Variants in GPR179 observed in about 807,000 individuals in gnomAD.
GPR179 encodes the protein G protein-coupled receptor 179.
In GPR179, 52 loss-of-function variants were observed where a neutral mutation model predicts 70.8. The ratio of observed to expected loss-of-function variants is 0.73; its 90% CI spans 0.59 to 0.93. The LOEUF is 0.93. GPR179 is among the 40% of genes least tolerant of loss of function. The pLI is 0.00. For missense variants in GPR179, 2,734 were observed against 2,966.8 expected, an observed-to-expected ratio of 0.92 and a Z score of 1.82; for synonymous variants, 1,123 against 1,169.0, an observed-to-expected ratio of 0.96 and a Z score of 0.80.
chr17:38,337,217 TA>T lies in GPR179; in HGVS notation c.992-5del, dbSNP rs1462326940. The T allele has an allele frequency of 1.2e-6, 2 of 1,606,390 alleles. No homozygotes were observed. ...TGGAAGTCACTCTCCTCTAACCCTA[TA>T]AAGAACAAGATGAGTGCAGGGAGAG... On this transcript the variant is annotated splice_region_variant and splice_polypyrimidine_tract_variant and intron_variant, in intron 3 of 10. Transcript: ENST00000616987.
intron 2 of GPR179, among the ~76,000 whole-genome samples, chr17:38,338,700 CA>C (rs1418419561): frequency 6.6e-6 from 1 of 152,270 alleles, no homozygotes; most frequent in African/African-American, 2.4e-5. Flanking sequence ...CCAGCCCCAG[CA>C]GGCCACAGGG....
chr17:38,331,072 G>A lies in GPR179; in HGVS notation c.2497C>T (p.Arg833Trp), dbSNP rs760777881. 3.8e-6 allele frequency: 6 copies of A among 1,600,000 alleles called. No homozygotes were observed. The highest frequency in any genetic ancestry group is 1.1e-5 in the South Asian group (1 of 90,518). Reference protein sequence around the residue: ...LTVGERLPRARPASLQKSLSV... With the variant: ...LTVGERLPRAWPASLQKSLSV... Reference sequence around the variant, plus strand: ...AGCGACTTCTGCAGAGAGGCGGGCCGGGCTCTGGGTAGCCTCTCTCCCACC... The same window carrying A: ...AGCGACTTCTGCAGAGAGGCGGGCCAGGCTCTGGGTAGCCTCTCTCCCACC... Residue 833 changes from arginine (R) to tryptophan (W), a missense_variant, in exon 11 of 11, where the codon CGG becomes TGG. Coordinates refer to ENST00000616987, the MANE Select transcript of GPR179 (RefSeq NM_001004334.4).
Position 38,330,103 on chromosome 17 carries a change from G to C in GPR179, c.3466C>G (p.Gln1156Glu), listed in dbSNP as rs1184314233. 6.2e-6 allele frequency: 10 copies of C among 1,611,508 alleles called. No individual in the cohort carries two copies. Among genetic ancestry groups the C allele is most frequent in the Non-Finnish European group, 8.5e-6 (10 of 1,178,518 alleles). The change falls in exon 11 of 11, where the codon CAA becomes GAA. Residue 1156 changes from glutamine (Q) to glutamate (E), a missense_variant. Transcript: ENST00000616987. ...ATCCTGCTGGTGTGAGCGTTCTGTTGGTTCTGGAGGGACTCCTTGTCATCG... is the reference window on the plus strand; with the variant it reads ...ATCCTGCTGGTGTGAGCGTTCTGTTCGTTCTGGAGGGACTCCTTGTCATCG... ...PSDDKESLQNQQNAHTSRMLQ... is the reference protein window; with the variant it reads ...PSDDKESLQNEQNAHTSRMLQ...
chr17:38,328,964 A>G lies in GPR179; in HGVS notation c.4605T>C (p.Val1535=). 6.2e-7 allele frequency: 1 copy of G among 1,614,126 alleles called. No homozygotes were observed. The highest frequency in any genetic ancestry group is 1.1e-5 in the South Asian group (1 of 91,072). The stretch of plus-strand genomic sequence containing the variant: ...CAGGGACCGTGCTCTCCCTGGGACA[A>G]ACTGACTCCTGCTGTTGACTTAATT... The part of the protein sequence containing the change: ...VQKLSQQQES[V]CPRESTVPGH... The change falls in exon 11 of 11, where the codon GTT becomes GTC. Residue 1535 remains valine (V), a synonymous_variant. Coordinates refer to ENST00000616987, the MANE Select transcript of GPR179 (RefSeq NM_001004334.4).
chr17:38,337,160 T>G lies in GPR179; in HGVS notation c.1045A>C (p.Arg349=), dbSNP rs2037412585. ...AGACACTGCAGCAGTCTCCCAGATC[T>G]GCCTTCTGGGAACCCGAATTGCCCG... is the stretch of plus-strand genomic sequence containing the variant. ...TTGQFGFPEG[R]SGRLLQCLPC... The change falls in exon 4 of 11, where the codon AGA becomes CGA. Residue 349 remains arginine, a synonymous_variant. Coordinates refer to ENST00000616987, the MANE Select transcript of GPR179 (RefSeq NM_001004334.4). 1.9e-6 allele frequency: 3 copies of G among 1,613,000 alleles called. No homozygotes were observed. In the East Asian group the frequency reaches 6.7e-5, roughly 36 times the overall value.
Position 38,329,929 on chromosome 17 carries a change from G to T in GPR179, c.3640C>A (p.Gln1214Lys). The change falls in exon 11 of 11, where the codon CAA (glutamine) becomes AAA (lysine). Residue 1214 changes from glutamine (Q) to lysine (K), a missense_variant. Coordinates refer to ENST00000616987, the MANE Select transcript of GPR179 (RefSeq NM_001004334.4). ...RQVSRDKNIK[Q>K]SKETPVGWQE... ...CACCCGACAGGGGTTTCTTTTGATTGCTTGATGTTTTTGTCCCTGGAAACT... is the reference window on the plus strand; with the variant it reads ...CACCCGACAGGGGTTTCTTTTGATTTCTTGATGTTTTTGTCCCTGGAAACT... The T allele has an allele frequency of 1.9e-6, 3 of 1,614,198 alleles. No individual in the cohort carries two copies. The highest frequency in any genetic ancestry group is 2.2e-5 in the East Asian group (1 of 44,878).
At chr17:38,341,220 C>A (rs2037446585) in intron 1 of GPR179, among the ~76,000 whole-genome samples, 1 of 152,204 alleles carries the variant, frequency 6.6e-6, no homozygotes, top group South Asian at 2.1e-4. Flanking sequence ...GTTCTCTCCA[C>A]CCCTCAGCTT....
Position 38,335,061 on chromosome 17 carries a change from G to A in GPR179, c.1617C>T (p.His539=), listed in dbSNP as rs201822664. ...PSGRHFYLCH[H]DRWDYIMVVA... is the part of the protein sequence containing the mutation. ...CAACCATGATGTAGTCCCAGCGGTC[G>A]TGGTGACAGAGGTAGAAATGGCGGC... Residue 539 remains histidine, a synonymous_variant, in exon 7 of 11, where the codon CAC becomes CAT. Coordinates refer to ENST00000616987, the MANE Select transcript of GPR179 (RefSeq NM_001004334.4). The A allele has an allele frequency of 3.8e-5, 62 of 1,613,642 alleles. No individual in the cohort carries two copies. Among genetic ancestry groups the A allele is most frequent in the East Asian group, 2.7e-4 (12 of 44,870 alleles).
At chr17:38,342,192 C>A (rs1047480297) in intron 1 of GPR179, among the ~76,000 whole-genome samples, 2 of 151,580 alleles carry the variant, frequency 1.3e-5, no homozygotes, top group Admixed American at 1.3e-4. Flanking sequence ...GTAGGTTGAA[C>A]GCCTGGAGTG....
rs1282003632 is a variant in GPR179 at position 38,334,960 on chromosome 17, C to T, written c.1645+73G>A. 2.5e-6 allele frequency: 4 copies of T among 1,586,080 alleles called. No homozygotes were observed. Among genetic ancestry groups the T allele is most frequent in the Non-Finnish European group, 3.4e-6 (4 of 1,159,594 alleles). On this transcript the variant is annotated intron_variant, in intron 7 of 10. Coordinates refer to ENST00000616987, the MANE Select transcript of GPR179 (RefSeq NM_001004334.4). This position sits in a 1 kb window ranked among gnomAD's most constrained non-coding sequence, Gnocchi z 4.7. ...GGGGTCTGGGGACAAGTCAGGAGAA[C>T]CAGAACAAGAGGAACCCTGGAGGCA...
chr17:38,343,454 C>A lies in GPR179; in HGVS notation c.336G>T (p.Leu112=), dbSNP rs766958765. The A allele has an allele frequency of 4.3e-6, 7 of 1,613,980 alleles. No homozygotes were observed. In the South Asian group the frequency reaches 6.6e-5, roughly 15 times the overall value. ...LAQAANFLNM[L]LQANDIRESS... ...ACTCACGGATGTCGTTGGCTTGCAGCAGCATGTTGAGAAAATTGGCGGCCT... is the reference window on the plus strand; with the variant it reads ...ACTCACGGATGTCGTTGGCTTGCAGAAGCATGTTGAGAAAATTGGCGGCCT... The change falls in exon 1 of 11, where the codon CTG becomes CTT. Residue 112 remains leucine, a synonymous_variant. Coordinates refer to ENST00000616987, the MANE Select transcript of GPR179 (RefSeq NM_001004334.4). This position sits in a 1 kb window ranked among gnomAD's most constrained non-coding sequence, Gnocchi z 4.2.
Position 38,327,561 on chromosome 17 carries a change from G to A in GPR179, c.6008C>T (p.Pro2003Leu). 18 of 1,614,144 alleles carry A rather than the reference G, an allele frequency of 1.1e-5. No homozygotes were observed. The highest frequency in any genetic ancestry group is 1.4e-5 in the Non-Finnish European group (17 of 1,180,034). The stretch of plus-strand genomic sequence containing the variant: ...GTCAGATTTATACACACCTGCATCA[G>A]GAACATCCCATGGGCACACGTCAGC... ...RAADVCPWDV[P>L]DAGVYKSDSS... Residue 2003 changes from proline (P) to leucine (L), a missense_variant, in exon 11 of 11, where the codon CCT becomes CTT. Coordinates refer to ENST00000616987, the MANE Select transcript of GPR179 (RefSeq NM_001004334.4).
At chr17:38,333,504 C>G in intron 9 of GPR179, 107 bp from the exon 10 acceptor site, 1 of 1,138,094 alleles carries the variant, frequency 8.8e-7, no homozygotes, top group Non-Finnish European at 1.2e-6. Flanking sequence ...CGCTTCACCC[C>G]CTTCTCTGAC....
intron 4 of GPR179, among the ~76,000 whole-genome samples, chr17:38,336,565 A>C (rs4794779): frequency 0.8 from 121,906 of 152,138 alleles, 51,365 homozygotes; most frequent in Non-Finnish European, 0.92. Context: ...ACATCCAGAA[A>C]GTCTTTCCCA....
intron 2 of GPR179, 76 bp from the exon 3 acceptor site, chr17:38,337,796 AG>A (rs1172697336): frequency 5.5e-6 from 7 of 1,282,044 alleles, no homozygotes; most frequent in Non-Finnish European, 6.7e-6. Context: ...GGAGAGATGG[AG>A]GGTCCATCTA....
Position 38,329,014 on chromosome 17 carries a change from C to T in GPR179, c.4555G>A (p.Glu1519Lys), listed in dbSNP as rs201569873. Residue 1519 changes from glutamate to lysine, a missense_variant, in exon 11 of 11, where the codon GAA (glutamate) becomes AAA (lysine). Transcript: ENST00000616987. Reference protein sequence around the residue: ...SRKGSFGEMGEQTVKAVQKLS... With the variant: ...SRKGSFGEMGKQTVKAVQKLS... ...TTCTGCACTGCTTTCACAGTTTGTTCCCCCATCTCTCCAAAGCTTCCTTTT... is the reference window on the plus strand; with the variant it reads ...TTCTGCACTGCTTTCACAGTTTGTTTCCCCATCTCTCCAAAGCTTCCTTTT... 5.0e-6 allele frequency: 8 copies of T among 1,614,122 alleles called. No homozygotes were observed. In the South Asian group the frequency reaches 8.8e-5, roughly 18 times the overall value.
rs1390785604 is a variant in GPR179, at chr17:38,336,151, A to G, written c.1228-7T>C. The G allele has an allele frequency of 1.9e-6, 3 of 1,603,420 alleles. No homozygotes were observed. The highest frequency in any genetic ancestry group is 2.7e-5 in the African/African-American group (2 of 74,698). On this transcript the variant is annotated splice_polypyrimidine_tract_variant and splice_region_variant and intron_variant, in intron 4 of 10. Coordinates refer to ENST00000616987, the MANE Select transcript of GPR179 (RefSeq NM_001004334.4). ...CTCCAGATGCCCAGATCCTCTGTGA[A>G]GCAAGGAGAGAGGCATGTGAGCAGA...
chr17:38,337,648 CCCCGTAG>C lies in GPR179; in HGVS notation c.969_975del (p.Phe323LeufsTer8). The C allele has an allele frequency of 6.2e-7, 1 of 1,607,994 alleles. No individual in the cohort carries two copies. Among genetic ancestry groups the C allele is most frequent in the South Asian group, 1.1e-5 (1 of 90,002 alleles). ...ACTTACATACCCCCAGAGGGGCTTG[CCCCGTAG>C]AATCCAGGTCGGCAGCGGCAGAGGT... On this transcript the variant is annotated frameshift_variant, in exon 3 of 11. Transcript: ENST00000616987. LOFTEE classifies it high-confidence loss of function.
chr17:38,331,410 A>G lies in GPR179; in HGVS notation c.2159T>C (p.Met720Thr). 1.2e-6 allele frequency: 2 copies of G among 1,614,100 alleles called. No homozygotes were observed. Among genetic ancestry groups the G allele is most frequent in the South Asian group, 2.2e-5 (2 of 91,080 alleles). ...SSCQGLGRSF[M>T]RYLAEFPEAL... ...CTCGGGGAATTCCGCCAGGTACCTC[A>G]TGAAGGAGCGGCCCAGTCCCTGGCA... Residue 720 changes from methionine to threonine, a missense_variant, in exon 11 of 11, where the codon ATG becomes ACG. Transcript: ENST00000616987.
Sources: gnomAD v4.1 joint callset for allele counts (sites outside exome capture counted in the v4.1 genomes callset) on GRCh38, gnomAD v4.1.1 for gene constraint, Gnocchi (gnomAD v3.1) non-coding constraint, MANE v1.5 for transcripts, NCBI Gene and HGNC (gene_info 2026-07-23, HGNC 2026-07-21) for gene names.